Variants in GREM1 observed in about 807,000 individuals in gnomAD.
GREM1 encodes the protein gremlin 1, DAN family BMP antagonist.
GREM1 carries 6 observed loss-of-function variants against 13.1 expected under a neutral mutation model. The ratio of observed to expected loss-of-function variants is 0.46; its 90% CI spans 0.25 to 0.91. The LOEUF is 0.91. GREM1 is among the 40% of genes least tolerant of loss of function. The probability of loss-of-function intolerance (pLI) is 0.18; values close to 1 mark genes in which losing one functional copy is unlikely to be tolerated. For missense variants in GREM1, 185 were observed against 233.9 expected (o/e 0.79, Z 1.36); for synonymous variants, 98 against 93.7 (o/e 1.05, Z -0.27).
chr15:32,725,474 G>T (rs901952962), intron 1 of GREM1, among the ~76,000 whole-genome samples: 49 of 152,132 alleles, frequency 3.2e-4, no homozygotes, highest in Admixed American at 1.7e-3. Context: ...CCCACTTTTT[G>T]ATGGGGTTGT....
At chr15:32,721,938 C>T (rs2055416113) in intron 1 of GREM1, among the ~76,000 whole-genome samples, 1 of 152,230 alleles carries the variant, frequency 6.6e-6, no homozygotes, top group South Asian at 2.1e-4. Flanking sequence ...CTTTGACAAA[C>T]ATAGAGCTCC....
rs1345351965 is a variant in GREM1, at chr15:32,730,862, C to A, written c.172C>A (p.Arg58=). 1 of 1,613,298 alleles carries A rather than the reference C, an allele frequency of 6.2e-7. No homozygotes were observed. The highest frequency in any genetic ancestry group is 1.3e-5 in the African/African-American group (1 of 74,914). ...GCCCCAGCAGCCTGGCTCCAGGAAC[C>A]GGGGGCGGGGCCAAGGGCGGGGCAC... The part of the protein sequence containing the change: ...QSPQQPGSRN[R]GRGQGRGTAM... Residue 58 remains arginine (R), a synonymous_variant, in exon 2 of 2, where the codon CGG becomes AGG. Coordinates refer to ENST00000651154, the MANE Select transcript of GREM1 (RefSeq NM_013372.7).
At position 32,734,875 on chromosome 15, in the gene GREM1, G is replaced by A. The variant is rs150352656; in HGVS notation, c.*3630G>A. 7 of 173,804 alleles carry A rather than the reference G, an allele frequency of 4.0e-5. No individual in the cohort carries two copies. In the East Asian group the frequency reaches 4.1e-4, roughly 10 times the overall value. 10.8% of individuals were successfully genotyped at this position (173,804 alleles called of 1,614,324 possible). On this transcript the variant is annotated 3_prime_UTR_variant, in exon 2 of 2. Coordinates refer to ENST00000651154, the MANE Select transcript of GREM1 (RefSeq NM_013372.7). ...GGCAAGGGAGAGCTGGTCTGCAATC[G>A]GAAGTACCAGCCTCTTCCCTAGAGC... is the stretch of plus-strand genomic sequence containing the variant.
chr15:32,739,087 C>T lies in GREM1; in HGVS notation c.*7842C>T, dbSNP rs1263602807. 1 of 152,204 alleles carries T rather than the reference C, an allele frequency of 6.6e-6. No individual in the cohort carries two copies. Among genetic ancestry groups the T allele is most frequent in the Non-Finnish European group, 1.5e-5 (1 of 68,044 alleles). 9.4% of individuals were successfully genotyped at this position (152,204 alleles called of 1,614,324 possible). ...TTAGGCAAAAAAAGGAAAAAGAAGT[C>T]ATCCAGATTAGAAAAGAAATAAAAT... On this transcript the variant is annotated 3_prime_UTR_variant, in exon 2 of 2. Coordinates refer to ENST00000651154, the MANE Select transcript of GREM1 (RefSeq NM_013372.7).
In GREM1 at chr15:32,741,819, A is replaced by T. The variant is rs113574398; in HGVS notation, c.*10574A>T. The T allele has an allele frequency of 3.7e-4, 57 of 152,278 alleles. No individual in the cohort carries two copies. The highest frequency in any genetic ancestry group is 1.3e-3 in the African/African-American group (54 of 41,578). The allele number at this position is 152,278 out of a possible 1,614,324, so 9.4% of individuals were successfully genotyped here. A position where few individuals can be genotyped will look rare whatever the true frequency, so the allele number is the denominator to read the frequency against. ...GTTAGTTATGGGTTTTTAAAAATATATATGACCTTTATTAGGTTGAGGTAC... is the reference window on the plus strand; with the variant it reads ...GTTAGTTATGGGTTTTTAAAAATATTTATGACCTTTATTAGGTTGAGGTAC... On this transcript the variant is annotated 3_prime_UTR_variant, in exon 2 of 2. Transcript: ENST00000651154.
chr15:32,719,500 T>C (rs981294840), intron 1 of GREM1, among the ~76,000 whole-genome samples: 1 of 152,020 alleles, frequency 6.6e-6, no homozygotes, highest in Non-Finnish European at 1.5e-5. Flanking sequence ...ATCTCGGCTC[T>C]TATAGACAGA....
rs141089560 is a variant in GREM1 at position 32,743,274 on chromosome 15, C to T, written c.*12029C>T. 28 of 152,186 alleles carry T rather than the reference C, an allele frequency of 1.8e-4. 1 individual carries two copies. In the East Asian group the frequency reaches 5.4e-3, roughly 29 times the overall value. The allele number at this position is 152,186 out of a possible 1,614,324, so 9.4% of individuals were successfully genotyped here. On this transcript the variant is annotated 3_prime_UTR_variant, in exon 2 of 2. Coordinates refer to ENST00000651154, the MANE Select transcript of GREM1 (RefSeq NM_013372.7). The stretch of plus-strand genomic sequence containing the variant: ...GGATGACAAGTTATATATAATAAGC[C>T]TGTAGGCCAATATCTGCTGGCAGCC...
rs2055726684 is a variant in GREM1, at chr15:32,738,125, A to AAAAAAACAAAAAAAAAC, written c.*6886_*6887insCAAAAAAAAACAAAAAA. 13 of 27,964 alleles carry AAAAAAACAAAAAAAAAC rather than the reference A, an allele frequency of 4.6e-4. 1 individual carries two copies. Among genetic ancestry groups the AAAAAAACAAAAAAAAAC allele is most frequent in the Non-Finnish European group, 5.6e-4 (9 of 16,080 alleles). The allele number at this position is 27,964 out of a possible 1,614,324, so 1.7% of individuals were successfully genotyped here. A position where few individuals can be genotyped will look rare whatever the true frequency, so the allele number is the denominator to read the frequency against. On this transcript the variant is annotated 3_prime_UTR_variant, in exon 2 of 2. Transcript: ENST00000651154. ...AAAAAAAAAAAAAAAAAAAAAAAAAAAAAAAAAAGAAAAGAAAAAAGTCAT... is the reference window on the plus strand; with the variant it reads ...AAAAAAAAAAAAAAAAAAAAAAAAAAAAAAAACAAAAAAAAACAAAAAAAAGAAAAGAAAAAAGTCAT...
rs529200684 is a variant in GREM1 at position 32,732,650 on chromosome 15, A to G, written c.*1405A>G. 1 of 242,992 alleles carries G rather than the reference A, an allele frequency of 4.1e-6. No individual in the cohort carries two copies. Among genetic ancestry groups the G allele is most frequent in the Middle Eastern group, 1.3e-3 (1 of 760 alleles). The allele number at this position is 242,992 out of a possible 1,614,324, so 15.1% of individuals were successfully genotyped here. A position where few individuals can be genotyped will look rare whatever the true frequency, so the allele number is the denominator to read the frequency against. On this transcript the variant is annotated 3_prime_UTR_variant, in exon 2 of 2. Transcript: ENST00000651154. ...TTAGGAGAGCATAGCATCATGATGT[A>G]TTAGCTGTTCATCTGCTACTGGTTG...
chr15:32,726,465 A>G (rs914531224), intron 1 of GREM1, among the ~76,000 whole-genome samples: 1 of 152,232 alleles, frequency 6.6e-6, no homozygotes, highest in African/African-American at 2.4e-5. Context: ...AAGACACAAT[A>G]TACCAGAATC....
rs1251620396 is a variant in GREM1, at chr15:32,740,303, C to T, written c.*9058C>T. 2.0e-5 allele frequency: 3 copies of T among 152,112 alleles called. No homozygotes were observed. The highest frequency in any genetic ancestry group is 7.2e-5 in the African/African-American group (3 of 41,430). The allele number at this position is 152,112 out of a possible 1,614,324, so 9.4% of individuals were successfully genotyped here. ...AATGAAATAAACTTATGTGATTTAC[C>T]TGACAGAGAATTCAGAATAGCTCTC... On this transcript the variant is annotated 3_prime_UTR_variant, in exon 2 of 2. Transcript: ENST00000651154.
Position 32,727,343 on chromosome 15 carries a change from C to T in GREM1, c.-1-3347C>T, listed in dbSNP as rs11071928. Among the ~76,000 whole-genome samples, 75,347 of 152,020 alleles carry T rather than the reference C, an allele frequency of 0.5. 19,755 individuals are homozygous for T. The highest frequency in any genetic ancestry group is 0.58 in the Middle Eastern group (170 of 292). ...TGGGATGCAAGGCTGGTTCAACATA[C>T]GCAAATCAATAAACGTAATCAATCA... On this transcript the variant is annotated intron_variant, in intron 1 of 1. Coordinates refer to ENST00000651154, the MANE Select transcript of GREM1 (RefSeq NM_013372.7).
Position 32,744,527 on chromosome 15 carries a change from C to CA in GREM1, c.*13283dup. ...GACGGAGCTTGCAGTGAGCCGAGAT[C>CA]ACGCCACTGCGCTCCAGCCTGGGCG... On this transcript the variant is annotated 3_prime_UTR_variant, in exon 2 of 2. Transcript: ENST00000651154. The CA allele has an allele frequency of 6.8e-6, 1 of 147,050 alleles. No individual in the cohort carries two copies. Among genetic ancestry groups the CA allele is most frequent in the African/African-American group, 2.5e-5 (1 of 39,786 alleles). The allele number at this position is 147,050 out of a possible 1,614,324, so 9.1% of individuals were successfully genotyped here. A position where few individuals can be genotyped will look rare whatever the true frequency, so the allele number is the denominator to read the frequency against.
At chr15:32,726,821 G>A (rs151264249) in intron 1 of GREM1, among the ~76,000 whole-genome samples, 166 of 151,638 alleles carry the variant, frequency 1.1e-3, no homozygotes, top group African/African-American at 3.8e-3. Flanking sequence ...AGTGATAAAG[G>A]GGATATCACC....
Position 32,733,993 on chromosome 15 carries a change from G to T in GREM1, c.*2748G>T, listed in dbSNP as rs1301782256. The T allele has an allele frequency of 4.1e-6, 1 of 241,086 alleles. No individual in the cohort carries two copies. The highest frequency in any genetic ancestry group is 8.8e-6 in the Non-Finnish European group (1 of 113,846). The allele number at this position is 241,086 out of a possible 1,614,324, so 14.9% of individuals were successfully genotyped here. ...AAATGAAAAGTTATGGTTATTTAAT[G>T]TAATTATTACTTCAAATCCTTTGGT... On this transcript the variant is annotated 3_prime_UTR_variant, in exon 2 of 2. Transcript: ENST00000651154.
In GREM1 at chr15:32,733,247, A is replaced by G. The variant is rs2055651812; in HGVS notation, c.*2002A>G. On this transcript the variant is annotated 3_prime_UTR_variant, in exon 2 of 2. Coordinates refer to ENST00000651154, the MANE Select transcript of GREM1 (RefSeq NM_013372.7). ...TCCACATTCTCCAACAATAAAGCAC[A>G]GAGTGGATTTAATTAAGCACACAAA... is the stretch of plus-strand genomic sequence containing the variant. 4.4e-6 allele frequency: 1 copy of G among 225,606 alleles called. No homozygotes were observed. The highest frequency in any genetic ancestry group is 9.6e-6 in the Non-Finnish European group (1 of 103,968). The allele number at this position is 225,606 out of a possible 1,614,324, so 14.0% of individuals were successfully genotyped here.
Position 32,728,727 on chromosome 15 carries a change from T to G in GREM1, c.-1-1963T>G, listed in dbSNP as rs16973303. ...GTATTCCAAAGAGAGAAGGAAAATG[T>G]TTGCTACACAGCTGTGTTCTTAGGT... is the stretch of plus-strand genomic sequence containing the variant. On this transcript the variant is annotated intron_variant, in intron 1 of 1. Coordinates refer to ENST00000651154, the MANE Select transcript of GREM1 (RefSeq NM_013372.7). Among the ~76,000 whole-genome samples the G allele has an allele frequency of 0.6, 90,620 of 151,972 alleles. 28,500 individuals are homozygous for G. Among genetic ancestry groups the G allele is most frequent in the East Asian group, 0.77 (3,945 of 5,150 alleles).
At chr15:32,729,350 A>G (rs558765767) in intron 1 of GREM1, among the ~76,000 whole-genome samples, 1 of 148,728 alleles carries the variant, frequency 6.7e-6, no homozygotes, top group African/African-American at 2.5e-5. Flanking sequence ...TTCAAGTCTA[A>G]GAAGCACTGT....
chr15:32,726,544 G>A (rs945021189), intron 1 of GREM1, among the ~76,000 whole-genome samples: 3 of 152,056 alleles, frequency 2.0e-5, no homozygotes, highest in African/African-American at 4.8e-5. Flanking sequence ...GAGAAAGCGG[G>A]ACAGATCTAA....
Sources: allele counts gnomAD v4.1 joint callset (sites outside exome capture counted in the v4.1 genomes callset), GRCh38; gene constraint gnomAD v4.1.1; transcripts MANE v1.5; gene names NCBI Gene and HGNC (gene_info 2026-07-23, HGNC 2026-07-21).